CLIP4: variants seen among roughly 807,000 people sequenced by gnomAD.
CLIP4 encodes CAP-Gly domain-containing linker protein 4.
A neutral mutation model predicts 73.1 loss-of-function variants in CLIP4; 47 were observed. That is an observed-to-expected ratio of 0.64 (90% CI 0.51 to 0.82). The LOEUF is 0.82. CLIP4 is among the 40% of genes least tolerant of loss of function. CLIP4 has a pLI of 0.00. For missense variants in CLIP4, 874 were observed against 852.9 expected (o/e 1.02, Z -0.31); for synonymous variants, 306 against 295.4 (o/e 1.04, Z -0.37).
At position 29,146,266 on chromosome 2, in the gene CLIP4, A is replaced by T. The variant is rs76816147; in HGVS notation, c.1021+899A>T. Among the ~76,000 whole-genome samples, 1,045 of 152,232 alleles carry T rather than the reference A, an allele frequency of 6.9e-3. 20 individuals carry two copies. Among genetic ancestry groups the T allele is most frequent in the African/African-American group, 0.024 (994 of 41,546 alleles). ...GCCCAGCTCTGCAGACCTCCCTCAA[A>T]TCCTGCACCTAGTAGTGTTGTGGCC... On this transcript the variant is annotated intron_variant, in intron 8 of 15. Transcript: ENST00000320081.
At position 29,143,867 on chromosome 2, in the gene CLIP4, T is replaced by C. The variant is rs767765108; in HGVS notation, c.807T>C (p.Tyr269=). The part of the protein sequence containing the change: ...CNISKAMLPN[Y]DHVTGKAMLT... ...TCTCAAAGGCCATGCTCCCAAATTA[T>C]GATCATGTCACTGGCAAGGCAATGC... Residue 269 remains tyrosine, a synonymous_variant, in exon 7 of 16, where the codon TAT becomes TAC. Transcript: ENST00000320081. The C allele has an allele frequency of 2.5e-6, 4 of 1,614,076 alleles. No homozygotes were observed. The Admixed American group carries it at 5.0e-5, about 20-fold the overall frequency.
At chr2:29,166,661 C>T (rs1387956571) in intron 13 of CLIP4, among the ~76,000 whole-genome samples, 1 of 152,010 alleles carries the variant, frequency 6.6e-6, no homozygotes, top group Admixed American at 6.6e-5. Flanking sequence ...GAATTCACTC[C>T]CTCTCAACTG....
rs576365283 is a variant in CLIP4 at position 29,163,516 on chromosome 2, T to C, written c.1535-315T>C. Among the ~76,000 whole-genome samples, 9 of 152,326 alleles carry C rather than the reference T, an allele frequency of 5.9e-5. No homozygotes were observed. In the East Asian group the frequency reaches 1.2e-3, roughly 20 times the overall value. ...TACCAAGTCAAGAACAGTTTTTCAC[T>C]GCAGCTTTTAGATATATTTTGGTCA... is the stretch of plus-strand genomic sequence containing the variant. On this transcript the variant is annotated intron_variant, in intron 12 of 15. Transcript: ENST00000320081.
At chr2:29,110,696 T>C (rs1340087283), upstream of CLIP4, among the ~76,000 whole-genome samples, 2 of 152,160 alleles carry the variant, frequency 1.3e-5, no homozygotes, top group Non-Finnish European at 2.9e-5. Flanking sequence ...GTTTATTTAT[T>C]ATTATTATTT....
At chr2:29,163,521 C>T (rs1667421318) in intron 12 of CLIP4, among the ~76,000 whole-genome samples, 1 of 152,052 alleles carries the variant, frequency 6.6e-6, no homozygotes, top group Non-Finnish European at 1.5e-5. Context: ...TTCACTGCAG[C>T]TTTTAGATAT....
chr2:29,118,685 A>T (rs998073681), intron 1 of CLIP4, among the ~76,000 whole-genome samples: 3 of 151,690 alleles, frequency 2.0e-5, no homozygotes, highest in African/African-American at 4.8e-5. Context: ...TGCCCAGCGA[A>T]TTTTTTGTAT....
At chr2:29,141,747 CTTCT>C (rs962653748) in intron 6 of CLIP4, among the ~76,000 whole-genome samples, 9 of 151,620 alleles carry the variant, frequency 5.9e-5, no homozygotes, top group African/African-American at 2.2e-4. Flanking sequence ...AAGGACAAGT[CTTCT>C]TTTTTTTTAA....
Position 29,145,211 on chromosome 2 carries a change from TC to T in CLIP4, c.886-20del. The T allele has an allele frequency of 6.2e-7, 1 of 1,603,630 alleles. No individual in the cohort carries two copies. Among genetic ancestry groups the T allele is most frequent in the Non-Finnish European group, 8.5e-7 (1 of 1,174,892 alleles). ...ATTACTAATAATTCCCCAAAATTATTCTGGTTTATATTTTCTTTAGGTTGGT... is the reference window on the plus strand; with the variant it reads ...ATTACTAATAATTCCCCAAAATTATTTGGTTTATATTTTCTTTAGGTTGGT... On this transcript the variant is annotated intron_variant, in intron 7 of 15. Coordinates refer to ENST00000320081, the MANE Select transcript of CLIP4 (RefSeq NM_024692.6).
intron 13 of CLIP4, among the ~76,000 whole-genome samples, chr2:29,165,996 GTC>G (rs1667589760): frequency 6.6e-6 from 1 of 150,400 alleles, no homozygotes; most frequent in South Asian, 2.1e-4. Flanking sequence ...AAATAGGGCT[GTC>G]TCTAAATGAA....
rs139683869 is a variant in CLIP4 at position 29,181,574 on chromosome 2, C to G, written c.1799C>G (p.Ser600Trp). Residue 600 changes from serine (S) to tryptophan (W), a missense_variant and splice_region_variant, in exon 16 of 16, where the codon TCG becomes TGG. Coordinates refer to ENST00000320081, the MANE Select transcript of CLIP4 (RefSeq NM_024692.6). Reference sequence around the variant, plus strand: ...TCCCACTTTTCCCTTCCGCACAGATCGAAAGCTGCTTTGCGTCGCAGTTGG... The same window carrying G: ...TCCCACTTTTCCCTTCCGCACAGATGGAAAGCTGCTTTGCGTCGCAGTTGG... ...EINRRNAFSK[S>W]KAALRRSWSS... is the part of the protein sequence containing the mutation. The G allele has an allele frequency of 6.2e-7, 1 of 1,602,486 alleles. No homozygotes were observed. The highest frequency in any genetic ancestry group is 1.7e-5 in the Admixed American group (1 of 59,232).
At chr2:29,132,288 C>G (rs1665029280) in intron 4 of CLIP4, 43 bp downstream of exon 4, 3 of 1,456,830 alleles carry the variant, frequency 2.1e-6, no homozygotes, top group African/African-American at 1.4e-5. Flanking sequence ...GTCATCTGCA[C>G]TTGTGCTTAG....
rs370186094 is a variant in CLIP4 at position 29,145,212 on chromosome 2, C to G, written c.886-20C>G. On this transcript the variant is annotated intron_variant, in intron 7 of 15. Coordinates refer to ENST00000320081, the MANE Select transcript of CLIP4 (RefSeq NM_024692.6). The stretch of plus-strand genomic sequence containing the variant: ...TTACTAATAATTCCCCAAAATTATT[C>G]TGGTTTATATTTTCTTTAGGTTGGT... The G allele has an allele frequency of 1.0e-5, 16 of 1,602,714 alleles. No homozygotes were observed. The highest frequency in any genetic ancestry group is 1.3e-5 in the Non-Finnish European group (15 of 1,174,480).
chr2:29,144,089 TA>T, intron 7 of CLIP4, 144 bp downstream of exon 7: 1 of 697,024 alleles, frequency 1.4e-6, no homozygotes, highest in Non-Finnish European at 2.6e-6. Context: ...ATGTAAAACT[TA>T]GATATGAATT....
chr2:29,183,110 A>G lies in CLIP4; in HGVS notation c.*1217A>G, dbSNP rs1489687731. On this transcript the variant is annotated 3_prime_UTR_variant, in exon 16 of 16. Transcript: ENST00000320081. ...AGCTTCACATTAGAGTGATGTCATA[A>G]TGTAAAATGTTTGCATTGTGGTTAG... 1 of 152,550 alleles carries G rather than the reference A, an allele frequency of 6.6e-6. No homozygotes were observed. Among genetic ancestry groups the G allele is most frequent in the Non-Finnish European group, 1.5e-5 (1 of 68,036 alleles). 9.4% of individuals were successfully genotyped at this position (152,550 alleles called of 1,614,324 possible). A position where few individuals can be genotyped will look rare whatever the true frequency, so the allele number is the denominator to read the frequency against.
At chr2:29,100,147 C>A (rs2148429092) in intron 1 of CLIP4, among the ~76,000 whole-genome samples, 1 of 152,052 alleles carries the variant, frequency 6.6e-6, no homozygotes, top group East Asian at 1.9e-4. Context: ...CCAGGCTGGT[C>A]TCAAACTCCT....
chr2:29,097,915 A>G (rs1307533199), exon 1 of CLIP4: 1 of 152,244 alleles, frequency 6.6e-6, no homozygotes, highest in African/African-American at 2.4e-5. Context: ...TTCTTTTTCT[A>G]CGTGACACTG....
chr2:29,162,053 G>C (rs1218016864), intron 12 of CLIP4, among the ~76,000 whole-genome samples: 1 of 152,068 alleles, frequency 6.6e-6, no homozygotes, highest in Admixed American at 6.5e-5. Flanking sequence ...ACTTAATATA[G>C]GATTCAAATA....
upstream of CLIP4, among the ~76,000 whole-genome samples, chr2:29,111,162 G>C (rs75675840): frequency 0.088 from 13,391 of 152,246 alleles, 663 homozygotes; most frequent in Non-Finnish European, 0.099. Context: ...AGCACTGCCA[G>C]GTTGATCTGC....
intron 13 of CLIP4, among the ~76,000 whole-genome samples, chr2:29,166,530 GAC>G (rs55833657): frequency 0.094 from 13,739 of 146,718 alleles, 643 homozygotes; most frequent in East Asian, 0.14. Context: ...TACACACACA[GAC>G]ACACACACAC....
Sources: gnomAD v4.1 joint callset for allele counts (sites outside exome capture counted in the v4.1 genomes callset) on GRCh38, gnomAD v4.1.1 for gene constraint, MANE v1.5 for transcripts, NCBI Gene and HGNC (gene_info 2026-07-23, HGNC 2026-07-21) for gene names.